LRP1B: variants seen among roughly 807,000 people sequenced by gnomAD.
LRP1B encodes the protein low-density lipoprotein receptor-related protein 1B.
In LRP1B, 217 loss-of-function variants were observed where a neutral mutation model predicts 556.6. That is an observed-to-expected ratio of 0.39 (90% confidence interval 0.35 to 0.44). The LOEUF (loss-of-function observed/expected upper bound fraction) is 0.44. LRP1B is among the 20% of genes least tolerant of loss of function. The pLI, the probability that LRP1B is intolerant of heterozygous loss-of-function variation, is 1.00. For missense variants in LRP1B, 5,053 were observed against 5,620.8 expected (o/e 0.90, Z 3.23); for synonymous variants, 2,047 against 1,865.8 (o/e 1.10, Z -2.50).
chr2:141,596,709 A>C (rs1014910891), intron 2 of LRP1B, among the ~76,000 whole-genome samples: 1 of 152,036 alleles, frequency 6.6e-6, no homozygotes, highest in African/African-American at 2.4e-5. Flanking sequence ...CACTTAAGAG[A>C]CTTCAGTGCA....
At chr2:140,843,049 CA>C (rs1380847333) in intron 29 of LRP1B, among the ~76,000 whole-genome samples, 1 of 110,262 alleles carries the variant, frequency 9.1e-6, no homozygotes, top group Non-Finnish European at 1.8e-5. Flanking sequence ...ACATGTTCTC[CA>C]AAGTGGTTTT....
chr2:140,922,944 C>T lies in LRP1B; in HGVS notation c.3319+21G>A, dbSNP rs374079936. ...CACACTCAGGGAGACCCAATAGAAG[C>T]CAAAAGCAATGTTCACTTACCTGTA... is the stretch of plus-strand genomic sequence containing the variant. On this transcript the variant is annotated intron_variant, in intron 21 of 90. Transcript: ENST00000389484. 5.1e-5 allele frequency: 81 copies of T among 1,603,536 alleles called. 1 individual carries two copies. The highest frequency in any genetic ancestry group is 6.4e-5 in the Non-Finnish European group (75 of 1,174,130).
intron 18 of LRP1B, among the ~76,000 whole-genome samples, chr2:140,968,735 G>T (rs1696315486): frequency 6.6e-6 from 1 of 152,032 alleles, no homozygotes; most frequent in Admixed American, 6.6e-5. Context: ...TTGTGTCTTT[G>T]TTCTCATTGG....
At chr2:141,763,038 G>T (rs987962595) in intron 2 of LRP1B, among the ~76,000 whole-genome samples, 3 of 152,152 alleles carry the variant, frequency 2.0e-5, no homozygotes, top group African/African-American at 4.8e-5. Flanking sequence ...ATTCTGCTTG[G>T]CTAAATGTAT....
chr2:142,025,967 A>G (rs1703488209), intron 1 of LRP1B, among the ~76,000 whole-genome samples: 1 of 152,136 alleles, frequency 6.6e-6, no homozygotes, highest in African/African-American at 2.4e-5. Flanking sequence ...GTAAGCTCAC[A>G]GAGAGTGAAC....
intron 2 of LRP1B, 31 bp from the exon 3 acceptor site, chr2:141,480,564 G>A (rs1319454895): frequency 6.2e-7 from 1 of 1,611,422 alleles, no homozygotes; most frequent in East Asian, 2.2e-5. Flanking sequence ...ACAGAATTAT[G>A]TGTTAGCTTT....
intron 41 of LRP1B, among the ~76,000 whole-genome samples, chr2:140,693,011 AT>A (rs1369463263): frequency 6.6e-6 from 1 of 152,172 alleles, no homozygotes; most frequent in African/African-American, 2.4e-5. Flanking sequence ...AGTATAATTC[AT>A]TAAATTCATT....
intron 43 of LRP1B, among the ~76,000 whole-genome samples, chr2:140,553,827 C>T (rs749541994): frequency 2.6e-5 from 4 of 152,032 alleles, no homozygotes; most frequent in Non-Finnish European, 5.9e-5. Context: ...AAGAGAGCCA[C>T]ATTGAGAAGA....
At chr2:141,388,789 C>T (rs997858903) in intron 3 of LRP1B, among the ~76,000 whole-genome samples, 4 of 152,042 alleles carry the variant, frequency 2.6e-5, no homozygotes, top group African/African-American at 9.7e-5. Flanking sequence ...ATTACTAGAG[C>T]TATTTAAAAA....
chr2:141,034,442 A>C (rs900962584), intron 11 of LRP1B, among the ~76,000 whole-genome samples: 2 of 151,932 alleles, frequency 1.3e-5, no homozygotes, highest in South Asian at 2.1e-4. Context: ...ATGGGAGAAA[A>C]TTTTCACAAC....
chr2:142,044,163 G>T (rs1406113275), intron 1 of LRP1B, among the ~76,000 whole-genome samples: 1 of 151,656 alleles, frequency 6.6e-6, no homozygotes, highest in African/African-American at 2.4e-5. Context: ...TGACAAATGA[G>T]TAATCCTTTT....
At position 142,122,691 on chromosome 2, in the gene LRP1B, C is replaced by G. The variant is rs187239029; in HGVS notation, c.82+7957G>C. Among the ~76,000 whole-genome samples the G allele has an allele frequency of 6.2e-4, 94 of 152,134 alleles. 1 individual carries two copies. The highest frequency in any genetic ancestry group is 5.0e-3 in the Admixed American group (76 of 15,274). On this transcript the variant is annotated intron_variant, in intron 1 of 90. Coordinates refer to ENST00000389484, the MANE Select transcript of LRP1B (RefSeq NM_018557.3). ...AATATGGATGCCCAGTGGGCACAAT[C>G]TGTAGTGCTTTCACCTGATGAGGCA...
chr2:141,933,101 A>G (rs542123795), intron 1 of LRP1B, among the ~76,000 whole-genome samples: 3 of 152,036 alleles, frequency 2.0e-5, no homozygotes, highest in African/African-American at 7.2e-5. Flanking sequence ...TTTAATCAAT[A>G]TATCTTTTTA....
At chr2:140,876,655 T>C (rs1397532990) in intron 25 of LRP1B, among the ~76,000 whole-genome samples, 2 of 152,174 alleles carry the variant, frequency 1.3e-5, no homozygotes, top group African/African-American at 4.8e-5. Flanking sequence ...AAGTTTATCT[T>C]GGAACCTCAA....
At chr2:141,443,916 T>A (rs1285387513) in intron 3 of LRP1B, among the ~76,000 whole-genome samples, 1 of 152,206 alleles carries the variant, frequency 6.6e-6, no homozygotes, top group Admixed American at 6.5e-5. Flanking sequence ...ATACAGGCTC[T>A]TTTTTGGTTC....
chr2:141,206,085 A>G (rs1682264096), intron 6 of LRP1B, among the ~76,000 whole-genome samples: 1 of 152,060 alleles, frequency 6.6e-6, no homozygotes, highest in Admixed American at 6.6e-5. Context: ...TCAAAACCAT[A>G]CTATGACATA....
At chr2:141,395,415 A>C (rs192824345) in intron 3 of LRP1B, among the ~76,000 whole-genome samples, 11 of 152,260 alleles carry the variant, frequency 7.2e-5, no homozygotes, top group African/African-American at 2.6e-4. Context: ...GTAATATGTT[A>C]TACAGTTTTA....
intron 41 of LRP1B, among the ~76,000 whole-genome samples, chr2:140,616,370 C>T (rs1683256424): frequency 6.6e-6 from 1 of 151,734 alleles, no homozygotes; most frequent in Admixed American, 6.6e-5. Context: ...CTCTCATGTC[C>T]CAACATTCTC....
chr2:140,425,553 G>A (rs1040235781), intron 66 of LRP1B, among the ~76,000 whole-genome samples: 1 of 152,134 alleles, frequency 6.6e-6, no homozygotes, highest in Non-Finnish European at 1.5e-5. Context: ...TGGGAATAAA[G>A]GTACCCACAA....
Sources: gnomAD v4.1 joint callset for allele counts (sites outside exome capture counted in the v4.1 genomes callset) on GRCh38, gnomAD v4.1.1 for gene constraint, MANE v1.5 for transcripts, NCBI Gene and HGNC (gene_info 2026-07-23, HGNC 2026-07-21) for gene names.